The following AFAP1 variants were observed in gnomAD, a reference collection of about 807,000 sequenced individuals.
The protein encoded by AFAP1 is actin filament-associated protein 1.
In AFAP1, 75 loss-of-function variants were observed where a neutral mutation model predicts 93.9. That is an observed-to-expected ratio of 0.80 (90% CI 0.66 to 0.97). AFAP1 has a LOEUF of 0.97. Ranked by LOEUF, AFAP1 falls within the 50% of genes least tolerant of loss-of-function variation. The probability of loss-of-function intolerance (pLI) is 0.00; values close to 1 mark genes in which losing one functional copy is unlikely to be tolerated. For missense variants in AFAP1, 1,201 were observed against 1,050.8 expected (o/e 1.14, Z -1.98); for synonymous variants, 517 against 430.7 (o/e 1.20, Z -2.48).
In AFAP1 at chr4:7,772,940, C is replaced by T. The variant is rs149591663; in HGVS notation, c.2133G>A (p.Ala711=). The change falls in exon 16 of 18, where the codon GCG becomes GCA. Residue 711 remains alanine (A), a synonymous_variant. Transcript: ENST00000420658. ...GCTCCAGCTCCAGGCTGACACGCTC[C>T]GCCTCCTTCTGCCGGCACTCCTCCT... ...QLEEECRQKE[A]ERVSLELELT... The T allele has an allele frequency of 1.7e-4, 280 of 1,613,738 alleles. No individual in the cohort carries two copies. Among genetic ancestry groups the T allele is most frequent in the Middle Eastern group, 4.9e-4 (3 of 6,084 alleles).
intron 6 of AFAP1, among the ~76,000 whole-genome samples, chr4:7,827,294 G>A (rs890910634): frequency 4.6e-5 from 7 of 152,194 alleles, no homozygotes; most frequent in African/African-American, 9.6e-5. Context: ...AGGAGAGGCC[G>A]GGCACGGTGG....
chr4:7,781,754 C>CATAACA, intron 12 of AFAP1, 127 bp from the exon 13 acceptor site: 1 of 1,237,402 alleles, frequency 8.1e-7, no homozygotes, highest in Non-Finnish European at 1.1e-6. Flanking sequence ...CTCTCCTGCA[C>CATAACA]ACAGACTGCA....
chr4:7,770,804 C>T (rs1045419081), intron 16 of AFAP1, among the ~76,000 whole-genome samples: 4 of 152,154 alleles, frequency 2.6e-5, no homozygotes, highest in Non-Finnish European at 5.9e-5. Flanking sequence ...GCCCTGCCAC[C>T]ACCCTCCACG....
intron 4 of AFAP1, 140 bp downstream of exon 4, chr4:7,855,326 A>G: frequency 1.6e-6 from 1 of 635,386 alleles, no homozygotes; most frequent in Admixed American, 3.2e-5. Context: ...CTGTACTGAC[A>G]ATCTCTTTGG....
Position 7,939,396 on chromosome 4 carries a change from G to A in AFAP1, c.-3+260C>T, listed in dbSNP as rs1213525590. 6.2e-6 allele frequency: 2 copies of A among 320,030 alleles called. No homozygotes were observed. The highest frequency in any genetic ancestry group is 2.3e-5 in the African/African-American group (1 of 43,650). The allele number at this position is 320,030 out of a possible 1,614,324, so 19.8% of individuals were successfully genotyped here. On this transcript the variant is annotated intron_variant, in intron 1 of 17. Transcript: ENST00000420658. The surrounding 1 kb of genome is among the most constrained non-coding windows in gnomAD (Gnocchi z 5.6). ...GGGCACCGGGCAGGAGCCAGCGCCCGGGTCCACGCAGTCCCCTCCGGGCAG... is the reference window on the plus strand; with the variant it reads ...GGGCACCGGGCAGGAGCCAGCGCCCAGGTCCACGCAGTCCCCTCCGGGCAG...
intron 1 of AFAP1, among the ~76,000 whole-genome samples, chr4:7,902,082 A>C (rs1719145353): frequency 6.6e-6 from 1 of 152,244 alleles, no homozygotes; most frequent in Admixed American, 6.5e-5. Flanking sequence ...CGGGTGGAGC[A>C]AATAACCTGC....
chr4:7,782,359 T>G (rs1196852686), intron 12 of AFAP1, among the ~76,000 whole-genome samples: 1 of 152,234 alleles, frequency 6.6e-6, no homozygotes, highest in Non-Finnish European at 1.5e-5. Flanking sequence ...CTATGGGAAC[T>G]GTCAACACAA....
At chr4:7,868,574 C>T (rs577567309) in intron 3 of AFAP1, 48 bp downstream of exon 3, 1 of 1,565,038 alleles carries the variant, frequency 6.4e-7, no homozygotes, top group East Asian at 2.3e-5. Flanking sequence ...CCGTAAGTAC[C>T]CCCAGGCCTC....
chr4:7,866,270 T>A (rs932035507), intron 3 of AFAP1, among the ~76,000 whole-genome samples: 2 of 151,072 alleles, frequency 1.3e-5, no homozygotes, highest in Admixed American at 6.6e-5. Context: ...AATCTTGGCT[T>A]ATGGCAACCT....
At chr4:7,874,464 C>T (rs1000431264) in intron 1 of AFAP1, among the ~76,000 whole-genome samples, 8 of 146,014 alleles carry the variant, frequency 5.5e-5, no homozygotes, top group East Asian at 4.1e-4. Flanking sequence ...CCTGGGCTCA[C>T]GCCATTCTCC....
rs1405591476 is a variant in AFAP1, at chr4:7,850,914, G to T, written c.334+4552C>A. ...CGCTTCACGGCCAGCTTTCCTTCCA[G>T]GTGGCAGGTCCTACCAGGTGCTCAG... On this transcript the variant is annotated intron_variant, in intron 4 of 17. Transcript: ENST00000420658. Among the ~76,000 whole-genome samples the T allele has an allele frequency of 1.3e-5, 2 of 152,182 alleles. 1 individual carries two copies. Among genetic ancestry groups the T allele is most frequent in the East Asian group, 3.8e-4 (2 of 5,202 alleles).
chr4:7,939,773 G>A lies in AFAP1; in HGVS notation c.-120C>T, dbSNP rs1306147700. The A allele has an allele frequency of 5.1e-6, 2 of 394,168 alleles. No individual in the cohort carries two copies. Among genetic ancestry groups the A allele is most frequent in the Non-Finnish European group, 9.9e-6 (2 of 202,046 alleles). The allele number at this position is 394,168 out of a possible 1,614,324, so 24.4% of individuals were successfully genotyped here. ...AACAATGGAGCCCCGGGGCGGGGCC[G>A]CCGCCGCCGCCTCAGCCCGTGTACC... On this transcript the variant is annotated 5_prime_UTR_variant, in exon 1 of 18. Coordinates refer to ENST00000420658, the MANE Select transcript of AFAP1 (RefSeq NM_001134647.2). This position sits in a 1 kb window ranked among gnomAD's most constrained non-coding sequence, Gnocchi z 5.6.
At chr4:7,806,774 C>T (rs1310693910) in intron 9 of AFAP1, among the ~76,000 whole-genome samples, 1 of 152,140 alleles carries the variant, frequency 6.6e-6, no homozygotes, top group African/African-American at 2.4e-5. Flanking sequence ...AATATTGAGG[C>T]AAAAGCTGTC....
At chr4:7,793,312 A>C (rs1260900226) in intron 11 of AFAP1, among the ~76,000 whole-genome samples, 1 of 152,224 alleles carries the variant, frequency 6.6e-6, no homozygotes, top group Non-Finnish European at 1.5e-5. Context: ...TATTGGCCAA[A>C]TCCAGGCCAC....
At chr4:7,808,715 A>G (rs570416901) in intron 9 of AFAP1, among the ~76,000 whole-genome samples, 1 of 152,250 alleles carries the variant, frequency 6.6e-6, no homozygotes, top group African/African-American at 2.4e-5. Flanking sequence ...TGCTTGGGTC[A>G]TGGGAGCAGA....
At chr4:7,828,703 T>G (rs1400340167) in intron 6 of AFAP1, among the ~76,000 whole-genome samples, 1 of 152,172 alleles carries the variant, frequency 6.6e-6, no homozygotes, top group African/African-American at 2.4e-5. Flanking sequence ...GTCCTCACAA[T>G]AGCTCTAGAA....
intron 1 of AFAP1, among the ~76,000 whole-genome samples, chr4:7,896,791 C>T (rs1179979220): frequency 2.1e-5 from 3 of 142,940 alleles, no homozygotes; most frequent in East Asian, 2.2e-4. Flanking sequence ...GGGCTCAGTC[C>T]TCACTCCCCC....
At chr4:7,775,576 G>C (rs1716015540) in intron 14 of AFAP1, 1 of 152,050 alleles carries the variant, frequency 6.6e-6, no homozygotes, top group Admixed American at 6.5e-5. Context: ...CCAGCACTGA[G>C]ATTAGCACCC....
intron 11 of AFAP1, among the ~76,000 whole-genome samples, chr4:7,791,384 T>C (rs527757259): frequency 3.3e-5 from 5 of 152,234 alleles, no homozygotes; most frequent in South Asian, 2.1e-4. Flanking sequence ...AGAGATTATC[T>C]CACCCACCAT....
Sources: allele counts gnomAD v4.1 joint callset (sites outside exome capture counted in the v4.1 genomes callset), GRCh38; gene constraint gnomAD v4.1.1; non-coding constraint Gnocchi (gnomAD v3.1); transcripts MANE v1.5; gene names NCBI Gene and HGNC (gene_info 2026-07-23, HGNC 2026-07-21).